ZBTB20: variants seen among roughly 807,000 people sequenced by gnomAD.
ZBTB20 encodes zinc finger and BTB domain containing 20, also known as zinc finger and BTB domain-containing protein 20.
ZBTB20 carries 9 observed loss-of-function variants against 56.9 expected under a neutral mutation model. That is an observed-to-expected ratio of 0.16 (90% confidence interval 0.10 to 0.28). The LOEUF is 0.28. ZBTB20 is among the 10% of genes least tolerant of loss of function. The probability of loss-of-function intolerance (pLI) is 1.00; values close to 1 mark genes in which losing one functional copy is unlikely to be tolerated. For missense variants in ZBTB20, 655 were observed against 1,003.0 expected (o/e 0.65, Z 4.69); for synonymous variants, 417 against 420.7 (o/e 0.99, Z 0.11).
At chr3:114,620,634 C>CA (rs1425343460) in intron 6 of ZBTB20, among the ~76,000 whole-genome samples, 7 of 152,166 alleles carry the variant, frequency 4.6e-5, no homozygotes, top group African/African-American at 7.2e-5. Flanking sequence ...ACTGTCAATG[C>CA]ACTGACATGT....
At position 114,315,446 on chromosome 3, in the gene ZBTB20, T is replaced by A. The variant is rs1255822354; in HGVS notation, c.*23559A>T. On this transcript the variant is annotated 3_prime_UTR_variant, in exon 12 of 12. Coordinates refer to ENST00000675478, the MANE Select transcript of ZBTB20 (RefSeq NM_001348800.3). Reference sequence around the variant, plus strand: ...TGCATAAACAGTGACACACAGACACTGGAAACACCACTTGAATGAATGAAT... The same window carrying A: ...TGCATAAACAGTGACACACAGACACAGGAAACACCACTTGAATGAATGAAT... 6.6e-6 allele frequency: 1 copy of A among 152,098 alleles called. No individual in the cohort carries two copies. The highest frequency in any genetic ancestry group is 1.5e-5 in the Non-Finnish European group (1 of 68,012). The allele number at this position is 152,098 out of a possible 1,614,324, so 9.4% of individuals were successfully genotyped here.
intron 4 of ZBTB20, among the ~76,000 whole-genome samples, chr3:114,841,186 T>C (rs891352419): frequency 6.6e-6 from 1 of 152,116 alleles, no homozygotes; most frequent in Non-Finnish European, 1.5e-5. Context: ...GTAAGGCAAT[T>C]ATAATTAGGG....
At chr3:114,870,381 G>C (rs745603823) in intron 4 of ZBTB20, among the ~76,000 whole-genome samples, 44 of 148,878 alleles carry the variant, frequency 3.0e-4, no homozygotes, top group Non-Finnish European at 5.2e-4. Flanking sequence ...AAGAAATTAG[G>C]GCCATCTTGA....
intron 3 of ZBTB20, among the ~76,000 whole-genome samples, chr3:114,946,907 A>G (rs1429628669): frequency 6.9e-6 from 1 of 145,858 alleles, no homozygotes; most frequent in East Asian, 1.9e-4. Flanking sequence ...CAAACTATCA[A>G]TCAGACAGAG....
chr3:114,907,982 G>A (rs995038483), intron 3 of ZBTB20, among the ~76,000 whole-genome samples: 1 of 151,712 alleles, frequency 6.6e-6, no homozygotes, highest in South Asian at 2.1e-4. Flanking sequence ...TTTAGATAGG[G>A]GGACCAGCAA....
chr3:114,943,014 T>G (rs2076770814), intron 3 of ZBTB20, among the ~76,000 whole-genome samples: 1 of 144,410 alleles, frequency 6.9e-6, no homozygotes, highest in South Asian at 2.1e-4. Flanking sequence ...AGTGAGAAAA[T>G]CAAAAGAGAA....
intron 7 of ZBTB20, among the ~76,000 whole-genome samples, chr3:114,463,519 A>T (rs530913311): frequency 1.3e-5 from 2 of 152,328 alleles, no homozygotes; most frequent in East Asian, 3.9e-4. Flanking sequence ...TGGCCAACTC[A>T]ACTTTGAACA....
At chr3:114,894,474 A>G (rs2074784336) in intron 4 of ZBTB20, among the ~76,000 whole-genome samples, 1 of 152,120 alleles carries the variant, frequency 6.6e-6, no homozygotes, top group African/African-American at 2.4e-5. Context: ...AAAAAAAAAC[A>G]TGTGTTGGAG....
chr3:114,518,156 T>G (rs186748457), intron 6 of ZBTB20, among the ~76,000 whole-genome samples: 1 of 152,290 alleles, frequency 6.6e-6, no homozygotes, highest in East Asian at 1.9e-4. Context: ...GGCTGGGGTA[T>G]GGGTATTGGT....
intron 1 of ZBTB20, among the ~76,000 whole-genome samples, chr3:115,098,514 G>A (rs911923329): frequency 1.3e-5 from 2 of 151,952 alleles, no homozygotes; most frequent in Non-Finnish European, 2.9e-5. Context: ...TAGACCTTAC[G>A]GAAAAAAATC....
At chr3:114,379,898 G>A (rs1352965538) in intron 10 of ZBTB20, among the ~76,000 whole-genome samples, 4 of 152,274 alleles carry the variant, frequency 2.6e-5, no homozygotes, top group East Asian at 1.9e-4. Flanking sequence ...AGTAATTGTG[G>A]AAGTGCCATT....
At chr3:114,480,213 T>C (rs1418647701) in intron 7 of ZBTB20, among the ~76,000 whole-genome samples, 2 of 146,286 alleles carry the variant, frequency 1.4e-5, no homozygotes, top group African/African-American at 5.0e-5. Context: ...ACAGAAGTGA[T>C]TTTTTTTTTT....
chr3:114,498,423 T>C (rs2043541075), intron 7 of ZBTB20, among the ~76,000 whole-genome samples: 1 of 152,210 alleles, frequency 6.6e-6, no homozygotes, highest in Non-Finnish European at 1.5e-5. Context: ...ACTGGGGAGA[T>C]AATGTTCTGA....
chr3:114,694,042 T>A, intron 5 of ZBTB20, among the ~76,000 whole-genome samples: 1 of 152,108 alleles, frequency 6.6e-6, no homozygotes, highest in East Asian at 1.9e-4. Context: ...GTGTTATAAA[T>A]ATTGTGGCAA....
intron 6 of ZBTB20, among the ~76,000 whole-genome samples, chr3:114,655,401 C>G (rs890693121): frequency 6.6e-6 from 1 of 150,632 alleles, no homozygotes; most frequent in African/African-American, 2.4e-5. Flanking sequence ...TACAGGCGCC[C>G]GCCACCGCGC....
At chr3:114,847,625 T>G (rs916593148) in intron 4 of ZBTB20, among the ~76,000 whole-genome samples, 21 of 151,784 alleles carry the variant, frequency 1.4e-4, no homozygotes, top group Non-Finnish European at 1.9e-4. Context: ...AGAGGACTTT[T>G]GGGAATCCTT....
chr3:114,791,454 T>C (rs1419216315), intron 5 of ZBTB20, among the ~76,000 whole-genome samples: 1 of 152,080 alleles, frequency 6.6e-6, no homozygotes, highest in Non-Finnish European at 1.5e-5. Context: ...AGCCAGAGTC[T>C]AGTCAGGCCC....
intron 6 of ZBTB20, among the ~76,000 whole-genome samples, chr3:114,640,753 C>G (rs1374928039): frequency 6.6e-6 from 1 of 152,004 alleles, no homozygotes; most frequent in Non-Finnish European, 1.5e-5. Context: ...TATTGGCCAA[C>G]TTCTATAAAG....
chr3:114,533,816 A>G (rs1242052011), intron 6 of ZBTB20, among the ~76,000 whole-genome samples: 1 of 152,238 alleles, frequency 6.6e-6, no homozygotes, highest in Non-Finnish European at 1.5e-5. Context: ...AGGCCAGAAG[A>G]GAGTGGGGGC....
Sources: allele counts gnomAD v4.1 joint callset (sites outside exome capture counted in the v4.1 genomes callset), GRCh38; gene constraint gnomAD v4.1.1; transcripts MANE v1.5; gene names NCBI Gene and HGNC (gene_info 2026-07-23, HGNC 2026-07-21).